Variants in PTPRO observed in about 807,000 individuals in gnomAD.
PTPRO encodes the protein protein tyrosine phosphatase receptor type O, also known as receptor-type tyrosine-protein phosphatase O.
Under a neutral mutation model 145.2 loss-of-function variants are expected in PTPRO, and 62 were observed. That is an observed-to-expected ratio of 0.43 (90% CI 0.35 to 0.53). The LOEUF is 0.53. PTPRO is among the 20% of genes least tolerant of loss of function. PTPRO has a pLI of 0.01. For missense variants in PTPRO, 1,345 were observed against 1,482.7 expected, an observed-to-expected ratio of 0.91 and a Z score of 1.53; for synonymous variants, 565 against 514.7, an observed-to-expected ratio of 1.10 and a Z score of -1.32.
intron 12 of PTPRO, among the ~76,000 whole-genome samples, chr12:15,539,199 G>C (rs955118311): frequency 6.6e-6 from 1 of 151,710 alleles, no homozygotes; most frequent in Non-Finnish European, 1.5e-5. Context: ...AAATTATTTA[G>C]TAGGTACAAT....
At chr12:15,416,577 C>G (rs1330415542) in intron 1 of PTPRO, among the ~76,000 whole-genome samples, 1 of 151,528 alleles carries the variant, frequency 6.6e-6, no homozygotes, top group Non-Finnish European at 1.5e-5. Flanking sequence ...CCTCGGCCTC[C>G]CAAAGTGCTG....
rs1293494459 is a variant in PTPRO, at chr12:15,597,200, A to G, written c.*1127A>G. The stretch of plus-strand genomic sequence containing the variant: ...TAACGAGTGTAACTAGTAACATTTT[A>G]TTCTTTGGATTTTGTATAATTACAG... On this transcript the variant is annotated 3_prime_UTR_variant, in exon 27 of 27. Transcript: ENST00000281171. The G allele has an allele frequency of 6.6e-6, 1 of 152,126 alleles. No homozygotes were observed. Among genetic ancestry groups the G allele is most frequent in the African/African-American group, 2.4e-5 (1 of 41,432 alleles). 9.4% of individuals were successfully genotyped at this position (152,126 alleles called of 1,614,324 possible).
intron 1 of PTPRO, among the ~76,000 whole-genome samples, chr12:15,450,772 C>CA (rs201761912): frequency 4.0e-5 from 6 of 151,846 alleles, no homozygotes; most frequent in East Asian, 1.9e-4. Flanking sequence ...CATGCTGTCT[C>CA]AAAAAAAATT....
intron 1 of PTPRO, among the ~76,000 whole-genome samples, chr12:15,386,256 T>C (rs1446685769): frequency 2.0e-5 from 3 of 151,866 alleles, no homozygotes; most frequent in Non-Finnish European, 4.4e-5. Flanking sequence ...AGATGCATAA[T>C]TAAAATAAGA....
chr12:15,403,672 T>G (rs906484272), intron 1 of PTPRO, among the ~76,000 whole-genome samples: 1 of 152,182 alleles, frequency 6.6e-6, no homozygotes, highest in African/African-American at 2.4e-5. Flanking sequence ...CTTCCCTATT[T>G]AAAGGGAAGT....
At chr12:15,568,137 G>A (rs1565434546) in intron 18 of PTPRO, among the ~76,000 whole-genome samples, 2 of 151,988 alleles carry the variant, frequency 1.3e-5, no homozygotes, top group Admixed American at 1.3e-4. Flanking sequence ...TTGGACATAA[G>A]ACCACAGTTA....
Position 15,501,872 on chromosome 12 carries a change from C to A in PTPRO, c.914C>A (p.Ala305Glu). 1 of 1,614,120 alleles carries A rather than the reference C, an allele frequency of 6.2e-7. No individual in the cohort carries two copies. The highest frequency in any genetic ancestry group is 8.5e-7 in the Non-Finnish European group (1 of 1,180,010). Residue 305 changes from alanine to glutamate, a missense_variant, in exon 5 of 27, where the codon GCA becomes GAA. Physicochemically the swap from Ala to Glu is moderately radical, Grantham distance 107 (BLOSUM62 -1). Coordinates refer to ENST00000281171, the MANE Select transcript of PTPRO (RefSeq NM_030667.3). ...SQPYWWDSAS[A>E]APESEDEFVS... ...CCATATTGGTGGGACAGTGCATCTG[C>A]AGCTCCTGAAAGTGAAGATGAATTT...
At chr12:15,508,854 C>T (rs748941239) in intron 7 of PTPRO, 87 bp downstream of exon 7, 65 of 1,372,466 alleles carry the variant, frequency 4.7e-5, no homozygotes, top group Non-Finnish European at 6.0e-5. Context: ...TTGTAGGAAG[C>T]CAGGCTGAGG....
At chr12:15,476,224 A>G (rs1282026046) in intron 1 of PTPRO, among the ~76,000 whole-genome samples, 1 of 152,112 alleles carries the variant, frequency 6.6e-6, no homozygotes, top group Non-Finnish European at 1.5e-5. Context: ...GAGGAAGGGA[A>G]GATGATGAGG....
chr12:15,551,637 A>G lies in PTPRO; in HGVS notation c.2524A>G (p.Ile842Val), dbSNP rs769048447. The change falls in exon 15 of 27, where the codon ATT becomes GTT. Residue 842 changes from isoleucine to valine, a missense_variant. By Grantham distance (29) the Ile-to-Val change is conservative. Coordinates refer to ENST00000281171, the MANE Select transcript of PTPRO (RefSeq NM_030667.3). ...LLIGLLLVTL[I>V]ILRKKHLQMA... ...AATTGGACTGTTGCTTGTTACCCTC[A>G]TTATTCTTAGGAAAAAGCATCTGCA... The G allele has an allele frequency of 1.3e-5, 21 of 1,613,530 alleles. No homozygotes were observed. The highest frequency in any genetic ancestry group is 1.7e-5 in the Admixed American group (1 of 59,986).
intron 1 of PTPRO, among the ~76,000 whole-genome samples, chr12:15,327,170 A>G (rs542524488): frequency 5.9e-4 from 90 of 152,358 alleles, no homozygotes; most frequent in South Asian, 8.3e-4. Flanking sequence ...ACATTCAAAT[A>G]GTAAAAATTT....
At chr12:15,507,650 T>G (rs1401984140) in intron 6 of PTPRO, among the ~76,000 whole-genome samples, 1 of 152,158 alleles carries the variant, frequency 6.6e-6, no homozygotes, top group African/African-American at 2.4e-5. Flanking sequence ...AACAAACCTA[T>G]AAATATGTAA....
chr12:15,414,908 G>T (rs1211876798), intron 1 of PTPRO, among the ~76,000 whole-genome samples: 6 of 152,108 alleles, frequency 3.9e-5, no homozygotes, highest in Non-Finnish European at 7.3e-5. Flanking sequence ...ATACTAAATT[G>T]CTCTAAATCC....
intron 1 of PTPRO, among the ~76,000 whole-genome samples, chr12:15,372,226 T>C (rs1334964962): frequency 6.6e-6 from 1 of 152,180 alleles, no homozygotes; most frequent in Non-Finnish European, 1.5e-5. Context: ...AAATATTTTC[T>C]GCCCTCTTAG....
At chr12:15,326,261 T>C in intron 1 of PTPRO, among the ~76,000 whole-genome samples, 1 of 152,180 alleles carries the variant, frequency 6.6e-6, no homozygotes. Flanking sequence ...CAATGAAGTT[T>C]GCTGCCCTTA....
At chr12:15,388,805 TG>T (rs1939103142) in intron 1 of PTPRO, among the ~76,000 whole-genome samples, 1 of 152,230 alleles carries the variant, frequency 6.6e-6, no homozygotes, top group Non-Finnish European at 1.5e-5. Context: ...AAAATAATTT[TG>T]TTCTCTGAAA....
At chr12:15,375,803 C>T (rs1239194270) in intron 1 of PTPRO, among the ~76,000 whole-genome samples, 1 of 136,068 alleles carries the variant, frequency 7.3e-6, no homozygotes, top group Non-Finnish European at 1.6e-5. Flanking sequence ...ATTTTAAAAA[C>T]ACAAACAGAT....
chr12:15,551,538 C>T lies in PTPRO; in HGVS notation c.2438-13C>T, dbSNP rs1321309717. 2.5e-6 allele frequency: 4 copies of T among 1,612,500 alleles called. No individual in the cohort carries two copies. The East Asian group carries it at 8.9e-5, about 36-fold the overall frequency. On this transcript the variant is annotated splice_polypyrimidine_tract_variant and intron_variant, in intron 14 of 26. Transcript: ENST00000281171. ...GAGAACCTATGATGAAAATGCACAA[C>T]TTATCTCTTTAGTTACAGAGATGAA...
chr12:15,531,113 A>G (rs137987992), intron 12 of PTPRO, among the ~76,000 whole-genome samples: 2,746 of 152,236 alleles, frequency 0.018, 41 homozygotes, highest in Non-Finnish European at 0.029. Context: ...TTGGAAAACT[A>G]GAAGAAATGG....
Sources: gnomAD v4.1 joint callset for allele counts (sites outside exome capture counted in the v4.1 genomes callset) on GRCh38, gnomAD v4.1.1 for gene constraint, MANE v1.5 for transcripts, NCBI Gene and HGNC (gene_info 2026-07-23, HGNC 2026-07-21) for gene names.